Variants in SGTA observed in about 807,000 individuals in gnomAD.
SGTA encodes small glutamine-rich tetratricopeptide repeat-containing protein alpha.
A neutral mutation model predicts 44.3 loss-of-function variants in SGTA; 22 were observed. That is an observed-to-expected ratio of 0.50 (90% CI 0.36 to 0.71). SGTA has a LOEUF of 0.71. Ranked by LOEUF, SGTA falls within the 30% of genes least tolerant of loss-of-function variation. The pLI is 0.00. For synonymous variants in SGTA, 174 were observed against 177.6 expected, an observed-to-expected ratio of 0.98 and a Z score of 0.16; for missense variants, 341 against 435.9, an observed-to-expected ratio of 0.78 and a Z score of 1.94.
In SGTA at chr19:2,755,419, C is replaced by T. The variant is rs573833862; in HGVS notation, c.*521G>A. ...TCCTCATGCAAACACACATGGCCCG[C>T]GGTGCCCAGGCCGCAGCTGGCAGTG... On this transcript the variant is annotated 3_prime_UTR_variant, in exon 12 of 12. Transcript: ENST00000221566. The surrounding 1 kb of genome is among the most constrained non-coding windows in gnomAD (Gnocchi z 5.2). The T allele has an allele frequency of 4.3e-3, 4,282 of 987,718 alleles. 9 individuals are homozygous for T. The highest frequency in any genetic ancestry group is 4.8e-3 in the Non-Finnish European group (3,984 of 830,182). 61.2% of individuals were successfully genotyped at this position (987,718 alleles called of 1,614,324 possible). A position where few individuals can be genotyped will look rare whatever the true frequency, so the allele number is the denominator to read the frequency against.
intron 5 of SGTA, among the ~76,000 whole-genome samples, chr19:2,764,056 C>A (rs950095843): frequency 1.3e-5 from 2 of 152,144 alleles, no homozygotes; most frequent in Non-Finnish European, 2.9e-5. Context: ...GAACTTATAC[C>A]CAAGTTTCAT....
In SGTA at chr19:2,763,808, C is replaced by T. The variant is rs760768551; in HGVS notation, c.393-51G>A. On this transcript the variant is annotated intron_variant, in intron 5 of 11. Transcript: ENST00000221566. The surrounding 1 kb of genome is among the most constrained non-coding windows in gnomAD (Gnocchi z 5.8). ...CCCTCACTGGCGGCTCTGAGCCCAGCGGGCAGCCCTTGAGGGGAGCCTGAG... is the reference window on the plus strand; with the variant it reads ...CCCTCACTGGCGGCTCTGAGCCCAGTGGGCAGCCCTTGAGGGGAGCCTGAG... 11 of 1,497,684 alleles carry T rather than the reference C, an allele frequency of 7.3e-6. No homozygotes were observed. Among genetic ancestry groups the T allele is most frequent in the South Asian group, 7.0e-5 (6 of 85,784 alleles). 92.8% of individuals were successfully genotyped at this position (1,497,684 alleles called of 1,614,324 possible). A position where few individuals can be genotyped will look rare whatever the true frequency, so the allele number is the denominator to read the frequency against.
chr19:2,775,948 T>C (rs1176803496), intron 1 of SGTA, among the ~76,000 whole-genome samples: 1 of 152,094 alleles, frequency 6.6e-6, no homozygotes, highest in East Asian at 1.9e-4. Context: ...GGTAATGAGT[T>C]TTCCGCCCCC....
chr19:2,783,011 A>G (rs967017919), intron 1 of SGTA, among the ~76,000 whole-genome samples: 2 of 152,184 alleles, frequency 1.3e-5, no homozygotes, highest in African/African-American at 4.8e-5. Context: ...GCGGACCAGC[A>G]TTTCCAGGAC....
chr19:2,765,312 C>G lies in SGTA; in HGVS notation c.293-27G>C, dbSNP rs139243561. On this transcript the variant is annotated intron_variant, in intron 4 of 11. Coordinates refer to ENST00000221566, the MANE Select transcript of SGTA (RefSeq NM_003021.4). This position sits in a 1 kb window ranked among gnomAD's most constrained non-coding sequence, Gnocchi z 5.5. ...TACAGGGAGAGAGGAAAACACCGGCCCGGTGTCCACACAGACCGGAGGGGG... is the reference window on the plus strand; with the variant it reads ...TACAGGGAGAGAGGAAAACACCGGCGCGGTGTCCACACAGACCGGAGGGGG... The G allele has an allele frequency of 1.5e-3, 2,300 of 1,553,948 alleles. 21 individuals carry two copies. In the African/African-American group the frequency reaches 0.027, roughly 19 times the overall value.
chr19:2,764,438 C>T (rs1171910803), intron 5 of SGTA, among the ~76,000 whole-genome samples: 2 of 152,222 alleles, frequency 1.3e-5, no homozygotes, highest in Admixed American at 1.3e-4. Context: ...TGCTCTGCTG[C>T]CCAGGCTGGA....
intron 1 of SGTA, among the ~76,000 whole-genome samples, chr19:2,780,839 A>G (rs1323411212): frequency 6.6e-6 from 1 of 152,182 alleles, no homozygotes; most frequent in African/African-American, 2.4e-5. Context: ...GTAATCACAG[A>G]ACTCTGGAGG....
intron 1 of SGTA, among the ~76,000 whole-genome samples, chr19:2,775,541 TAAA>T (rs1915426792): frequency 6.6e-6 from 1 of 151,920 alleles, no homozygotes; most frequent in Non-Finnish European, 1.5e-5. Context: ...CAGCAATCAT[TAAA>T]AAACAAAACA....
chr19:2,765,138 G>A lies in SGTA; in HGVS notation c.392+48C>T, dbSNP rs1448280468. The A allele has an allele frequency of 8.9e-6, 12 of 1,350,374 alleles. No homozygotes were observed. The highest frequency in any genetic ancestry group is 2.9e-5 in the African/African-American group (2 of 69,958). The allele number at this position is 1,350,374 out of a possible 1,614,324, so 83.6% of individuals were successfully genotyped here. Reference sequence around the variant, plus strand: ...GTCCCTGCTAAGCATCCCGGAGGACGCCCCCGCACCCGGCCGCCCCTGCCC... The same window carrying A: ...GTCCCTGCTAAGCATCCCGGAGGACACCCCCGCACCCGGCCGCCCCTGCCC... On this transcript the variant is annotated intron_variant, in intron 5 of 11. Transcript: ENST00000221566. The surrounding 1 kb of genome is among the most constrained non-coding windows in gnomAD (Gnocchi z 5.5).
At chr19:2,773,531 A>T (rs541274514) in intron 1 of SGTA, among the ~76,000 whole-genome samples, 1 of 19,890 alleles carries the variant, frequency 5.0e-5, no homozygotes, top group Non-Finnish European at 7.6e-5. Flanking sequence ...GGGCAGGGAC[A>T]CCGAGGGCAG....
intron 1 of SGTA, among the ~76,000 whole-genome samples, chr19:2,778,711 A>C (rs1278835633): frequency 6.6e-6 from 1 of 152,162 alleles, no homozygotes; most frequent in Admixed American, 6.5e-5. Context: ...TGAAATTCAC[A>C]AACTATGGAG....
chr19:2,756,036 C>A, intron 11 of SGTA, 103 bp from the exon 12 acceptor site: 1 of 610,330 alleles, frequency 1.6e-6, no homozygotes, highest in Non-Finnish European at 2.1e-6. Context: ...CAGCCAGGGG[C>A]CACAGCGGCT....
chr19:2,781,041 C>T (rs138047684), intron 1 of SGTA, among the ~76,000 whole-genome samples: 79 of 152,314 alleles, frequency 5.2e-4, no homozygotes, highest in Middle Eastern at 6.8e-3. Context: ...AGAGATTGTG[C>T]CACTGCACTC....
chr19:2,781,628 G>A (rs568718926), intron 1 of SGTA, among the ~76,000 whole-genome samples: 233 of 152,040 alleles, frequency 1.5e-3, no homozygotes, highest in African/African-American at 5.4e-3. Context: ...GAAAAACTGA[G>A]GCTTGGAAAG....
At chr19:2,762,839 AG>A (rs1301350460) in intron 6 of SGTA, among the ~76,000 whole-genome samples, 195 bp from the exon 7 acceptor site, 1 of 152,112 alleles carries the variant, frequency 6.6e-6, no homozygotes, top group Non-Finnish European at 1.5e-5. Flanking sequence ...GACAGACATG[AG>A]AACACCCCTG....
At position 2,763,063 on chromosome 19, in the gene SGTA, AGT is replaced by A. The variant is rs1373852722; in HGVS notation, c.498-421_498-420del. Among the ~76,000 whole-genome samples the A allele has an allele frequency of 3.0e-5, 2 of 67,308 alleles. No individual in the cohort carries two copies. The highest frequency in any genetic ancestry group is 2.5e-4 in the African/African-American group (2 of 7,876). 44.2% of individuals were successfully genotyped at this position (67,308 alleles called of 152,430 possible). Reference sequence around the variant, plus strand: ...ACAAGCAGCCCCTGACCCCCACCTGAGTGAGTCTTCACTCGTGAGGTGACTCA... The same window carrying A: ...ACAAGCAGCCCCTGACCCCCACCTGAGAGTCTTCACTCGTGAGGTGACTCA... On this transcript the variant is annotated intron_variant, in intron 6 of 11. Transcript: ENST00000221566. This position sits in a 1 kb window ranked among gnomAD's most constrained non-coding sequence, Gnocchi z 5.8.
At chr19:2,764,124 G>C (rs2144725907) in intron 5 of SGTA, among the ~76,000 whole-genome samples, 1 of 152,316 alleles carries the variant, frequency 6.6e-6, no homozygotes, top group African/African-American at 2.4e-5. Context: ...AAAGCTCAAA[G>C]CTCTTGGCTT....
In SGTA at chr19:2,763,368, A is replaced by T. The variant is rs1248971521; in HGVS notation, c.497+285T>A. On this transcript the variant is annotated intron_variant, in intron 6 of 11. Coordinates refer to ENST00000221566, the MANE Select transcript of SGTA (RefSeq NM_003021.4). This position sits in a 1 kb window ranked among gnomAD's most constrained non-coding sequence, Gnocchi z 5.8. ...AGCTCTGTGAGCCGCCCCAGCAAAC[A>T]ATGGAGCCTGAGTAGGAGCCATGGG... 6.6e-6 allele frequency among the ~76,000 whole-genome samples: 1 copy of T among 152,002 alleles called. No individual in the cohort carries two copies. Among genetic ancestry groups the T allele is most frequent in the Non-Finnish European group, 1.5e-5 (1 of 67,988 alleles).
rs1399597981 is a variant in SGTA, at chr19:2,757,758, G to T, written c.762C>A (p.Gly254=). 6.2e-7 allele frequency: 1 copy of T among 1,603,386 alleles called. No homozygotes were observed. Among genetic ancestry groups the T allele is most frequent in the Non-Finnish European group, 8.5e-7 (1 of 1,175,508 alleles). ...QQLMSGMISG[G]NNPLGTPGTS... ...TGCCGGGAGTTCCCAAGGGGTTGTTGCCACCCGAAATCATGCCGGACATGC... is the reference window on the plus strand; with the variant it reads ...TGCCGGGAGTTCCCAAGGGGTTGTTTCCACCCGAAATCATGCCGGACATGC... The change falls in exon 10 of 12, where the codon GGC becomes GGA. Residue 254 remains glycine, a synonymous_variant. Coordinates refer to ENST00000221566, the MANE Select transcript of SGTA (RefSeq NM_003021.4).
Sources: allele counts gnomAD v4.1 joint callset (sites outside exome capture counted in the v4.1 genomes callset), GRCh38; gene constraint gnomAD v4.1.1; non-coding constraint Gnocchi (gnomAD v3.1); transcripts MANE v1.5; gene names NCBI Gene and HGNC (gene_info 2026-07-23, HGNC 2026-07-21).